ZNF407: variants seen among roughly 807,000 people sequenced by gnomAD.
ZNF407 encodes the protein zinc finger protein 407.
ZNF407 carries 17 observed loss-of-function variants against 131.2 expected under a neutral mutation model. The observed-to-expected ratio is 0.13, with a 90% confidence interval of 0.09 to 0.19. The LOEUF (loss-of-function observed/expected upper bound fraction) is 0.19. ZNF407 is among the 10% of genes least tolerant of loss of function. ZNF407 has a pLI of 1.00. For synonymous variants in ZNF407, 1,156 were observed against 1,062.0 expected, an observed-to-expected ratio of 1.09 and a Z score of -1.72; for missense variants, 2,681 against 2,830.6, an observed-to-expected ratio of 0.95 and a Z score of 1.20.
rs999626478 is a variant in ZNF407, at chr18:74,633,793, G to C, written c.2774G>C (p.Gly925Ala). The C allele has an allele frequency of 2.5e-6, 4 of 1,613,760 alleles. No homozygotes were observed. The highest frequency in any genetic ancestry group is 1.3e-5 in the African/African-American group (1 of 74,880). Residue 925 changes from glycine to alanine, a missense_variant, in exon 2 of 9, where the codon GGG (glycine) becomes GCG (alanine). By Grantham distance (60) the Gly-to-Ala change is moderately conservative (BLOSUM62 0). Coordinates refer to ENST00000299687, the MANE Select transcript of ZNF407 (RefSeq NM_017757.3). ...TCAGATATCATTGTTGGCCCTGAAGGGGGTAGCCTTGAAGCTGGTAAAAAG... is the reference window on the plus strand; with the variant it reads ...TCAGATATCATTGTTGGCCCTGAAGCGGGTAGCCTTGAAGCTGGTAAAAAG... ...HSSDIIVGPE[G>A]GSLEAGKKNA... is the part of the protein sequence containing the mutation.
At chr18:75,007,974 G>A (rs1972931247) in intron 8 of ZNF407, among the ~76,000 whole-genome samples, 2 of 152,284 alleles carry the variant, frequency 1.3e-5, no homozygotes, top group South Asian at 4.1e-4. Context: ...GGTTTTCTCG[G>A]CCAAAGGAAT....
At chr18:74,881,987 TA>T (rs1200199492) in intron 6 of ZNF407, among the ~76,000 whole-genome samples, 3 of 152,160 alleles carry the variant, frequency 2.0e-5, no homozygotes, top group African/African-American at 4.8e-5. Context: ...CTCCCCTTTT[TA>T]AAACCATCAG....
At chr18:74,733,005 T>C (rs1181403575) in intron 3 of ZNF407, among the ~76,000 whole-genome samples, 1 of 152,200 alleles carries the variant, frequency 6.6e-6, no homozygotes. Context: ...AGATTTAATA[T>C]TCTTTGATTG....
intron 8 of ZNF407, among the ~76,000 whole-genome samples, chr18:75,029,919 G>A (rs569922364): frequency 7.9e-5 from 12 of 152,278 alleles, no homozygotes; most frequent in African/African-American, 1.7e-4. Flanking sequence ...CTTCAGAAAC[G>A]TTATGAAGAA....
At chr18:74,769,909 T>C (rs968775280) in intron 3 of ZNF407, among the ~76,000 whole-genome samples, 2 of 152,192 alleles carry the variant, frequency 1.3e-5, no homozygotes, top group Non-Finnish European at 2.9e-5. Context: ...CTGAAGTTTA[T>C]AAGAGGGAGA....
chr18:74,631,637 G>A lies in ZNF407; in HGVS notation c.618G>A (p.Glu206=). The A allele has an allele frequency of 1.9e-6, 3 of 1,613,944 alleles. No homozygotes were observed. The highest frequency in any genetic ancestry group is 1.7e-5 in the Admixed American group (1 of 60,032). ...SSCSDLEKHA[E]SHMQQPKEHT... is the part of the protein sequence containing the mutation. ...GCTCTGACTTGGAAAAACATGCTGA[G>A]TCTCACATGCAGCAGCCTAAGGAAC... The change falls in exon 2 of 9, where the codon GAG becomes GAA. Residue 206 remains glutamate (E), a synonymous_variant. Transcript: ENST00000299687.
intron 4 of ZNF407, among the ~76,000 whole-genome samples, chr18:74,800,225 G>A (rs1969996400): frequency 6.6e-6 from 1 of 151,960 alleles, no homozygotes; most frequent in African/African-American, 2.4e-5. Context: ...AGTGAGTTCT[G>A]AATTTGGTCT....
intron 8 of ZNF407, among the ~76,000 whole-genome samples, chr18:74,943,356 TAC>T (rs1972121607): frequency 6.6e-6 from 1 of 152,258 alleles, no homozygotes; most frequent in Non-Finnish European, 1.5e-5. Flanking sequence ...TTACAGCTGT[TAC>T]TTTATGTGTG....
At position 74,864,359 on chromosome 18, in the gene ZNF407, G is replaced by T. The variant is rs188534917; in HGVS notation, c.4878-12838G>T. 1.3e-5 allele frequency among the ~76,000 whole-genome samples: 2 copies of T among 152,066 alleles called. 1 individual carries two copies. The highest frequency in any genetic ancestry group is 4.8e-5 in the African/African-American group (2 of 41,396). ...CTTCGAAGATAATTTATTCTAACTC[G>T]ACTGACATGTAGAAATTAAGGCTGA... is the stretch of plus-strand genomic sequence containing the variant. On this transcript the variant is annotated intron_variant, in intron 4 of 8. Coordinates refer to ENST00000299687, the MANE Select transcript of ZNF407 (RefSeq NM_017757.3).
chr18:75,029,579 G>A (rs113474754), intron 8 of ZNF407, among the ~76,000 whole-genome samples: 8 of 151,920 alleles, frequency 5.3e-5, no homozygotes, highest in East Asian at 1.9e-4. Context: ...GTGTGTGTGC[G>A]TGCGTGTGTG....
intron 3 of ZNF407, among the ~76,000 whole-genome samples, chr18:74,777,096 C>A (rs1259160702): frequency 6.6e-6 from 1 of 152,106 alleles, no homozygotes; most frequent in East Asian, 1.9e-4. Context: ...TGAGTTAGAT[C>A]ATCTCCCATG....
At chr18:75,050,802 C>T (rs1973491741) in intron 8 of ZNF407, among the ~76,000 whole-genome samples, 3 of 152,168 alleles carry the variant, frequency 2.0e-5, no homozygotes, top group Non-Finnish European at 4.4e-5. Context: ...TAGTCAGTGC[C>T]TCAGCTCACA....
chr18:74,950,736 G>C lies in ZNF407; in HGVS notation c.5428+30044G>C, dbSNP rs560404809. Reference sequence around the variant, plus strand: ...GCGCGTTAAGAAGCTTTGGAATTAAGTTCTCTCTAAACCCAGGGAGGTCTC... The same window carrying C: ...GCGCGTTAAGAAGCTTTGGAATTAACTTCTCTCTAAACCCAGGGAGGTCTC... On this transcript the variant is annotated intron_variant, in intron 8 of 8. Coordinates refer to ENST00000299687, the MANE Select transcript of ZNF407 (RefSeq NM_017757.3). Among the ~76,000 whole-genome samples, 298 of 152,322 alleles carry C rather than the reference G, an allele frequency of 2.0e-3. 3 individuals are homozygous for C. The highest frequency in any genetic ancestry group is 6.7e-3 in the African/African-American group (277 of 41,572).
At chr18:74,894,747 A>G (rs907474949) in intron 7 of ZNF407, among the ~76,000 whole-genome samples, 5 of 152,210 alleles carry the variant, frequency 3.3e-5, no homozygotes, top group Non-Finnish European at 5.9e-5. Context: ...TATTAAGGAT[A>G]ACCCTACATT....
chr18:74,610,707 C>T (rs1983020827), intron 1 of ZNF407, among the ~76,000 whole-genome samples: 1 of 152,020 alleles, frequency 6.6e-6, no homozygotes, highest in East Asian at 1.9e-4. Flanking sequence ...CACTACCACA[C>T]CGGGCTAATT....
At chr18:74,934,434 T>C (rs953237335) in intron 8 of ZNF407, among the ~76,000 whole-genome samples, 5 of 152,228 alleles carry the variant, frequency 3.3e-5, no homozygotes, top group African/African-American at 1.2e-4. Flanking sequence ...CAGGAATAGA[T>C]TTGAACTTTG....
At chr18:74,953,871 G>A (rs1046392963) in intron 8 of ZNF407, among the ~76,000 whole-genome samples, 25 of 152,216 alleles carry the variant, frequency 1.6e-4, no homozygotes, top group African/African-American at 6.0e-4. Flanking sequence ...TTAGGGAACT[G>A]TGGCTGGGCT....
chr18:74,672,042 G>A (rs1045709038), intron 3 of ZNF407, among the ~76,000 whole-genome samples: 1 of 152,102 alleles, frequency 6.6e-6, no homozygotes, highest in African/African-American at 2.4e-5. Context: ...GTGTCTTTAT[G>A]GTAGAGTGGT....
chr18:74,653,479 AT>A (rs1985317158), intron 3 of ZNF407, among the ~76,000 whole-genome samples: 1 of 151,850 alleles, frequency 6.6e-6, no homozygotes, highest in South Asian at 2.1e-4. Context: ...TCAGTATATT[AT>A]TAATATATAT....
Sources: allele counts gnomAD v4.1 joint callset (sites outside exome capture counted in the v4.1 genomes callset), GRCh38; gene constraint gnomAD v4.1.1; transcripts MANE v1.5; gene names NCBI Gene and HGNC (gene_info 2026-07-23, HGNC 2026-07-21).